The following ZFHX3 variants were observed in gnomAD, a reference collection of about 807,000 sequenced individuals.
ZFHX3 encodes zinc finger homeobox protein 3.
ZFHX3 carries 42 observed loss-of-function variants against 279.1 expected under a neutral mutation model. The ratio of observed to expected loss-of-function variants is 0.15; its 90% CI spans 0.12 to 0.19. ZFHX3 has a LOEUF of 0.19. Ranked by LOEUF, ZFHX3 falls within the 10% of genes least tolerant of loss-of-function variation. The pLI is 1.00. For missense variants in ZFHX3, 4,981 were observed against 4,754.0 expected (o/e 1.05, Z -1.40); for synonymous variants, 2,293 against 1,957.8 (o/e 1.17, Z -4.52).
rs537452217 is a variant in ZFHX3, at chr16:72,832,132, G to A, written c.3449-2273C>T. On this transcript the variant is annotated intron_variant, in intron 4 of 9. Transcript: ENST00000268489. ...CTGAAGGTGCTGCTCAGCAGACATG[G>A]GAAGGGATTTACCCACTGGGGGGCC... Among the ~76,000 whole-genome samples, 12 of 152,240 alleles carry A rather than the reference G, an allele frequency of 7.9e-5. No individual in the cohort carries two copies. The South Asian group carries it at 1.7e-3, about 21-fold the overall frequency.
intron 2 of ZFHX3, among the ~76,000 whole-genome samples, chr16:73,518,581 A>G (rs1238512427): frequency 6.6e-6 from 1 of 152,202 alleles, no homozygotes; most frequent in Non-Finnish European, 1.5e-5. Flanking sequence ...CTCTGCCCCG[A>G]GCAAGACATA....
intron 1 of ZFHX3, among the ~76,000 whole-genome samples, chr16:73,822,992 T>G (rs1434549345): frequency 1.3e-5 from 2 of 152,232 alleles, no homozygotes; most frequent in Non-Finnish European, 2.9e-5. Context: ...CGTCATGCAC[T>G]GGGCTATATG....
At chr16:73,419,908 AT>A (rs201045234) in intron 3 of ZFHX3, among the ~76,000 whole-genome samples, 12,478 of 145,692 alleles carry the variant, frequency 0.086, 1,043 homozygotes, top group East Asian at 0.32. Flanking sequence ...TAGATAGATA[AT>A]TTTTTTTTTT....
intron 1 of ZFHX3, among the ~76,000 whole-genome samples, chr16:73,709,364 G>C (rs946926030): frequency 6.6e-6 from 1 of 151,258 alleles, no homozygotes; most frequent in African/African-American, 2.4e-5. Flanking sequence ...GAGAGAGAGA[G>C]AGAGAGAGAG....
chr16:72,982,133 T>C (rs1350223429), intron 1 of ZFHX3, among the ~76,000 whole-genome samples: 1 of 152,162 alleles, frequency 6.6e-6, no homozygotes, highest in Non-Finnish European at 1.5e-5. Flanking sequence ...TCTGCCCGCC[T>C]TGGCCTCCCA....
chr16:73,054,292 A>C (rs1965503915), intron 1 of ZFHX3, among the ~76,000 whole-genome samples: 1 of 152,188 alleles, frequency 6.6e-6, no homozygotes, highest in South Asian at 2.1e-4. Flanking sequence ...ACAGAAGCTG[A>C]AAGTGGGCTC....
chr16:73,058,696 T>TGGCGGCGGCGGCGGCGGCGGC (rs552488803), exon 1 of ZFHX3: 2 of 168,138 alleles, frequency 1.2e-5, no homozygotes, highest in East Asian at 1.4e-4. Flanking sequence ...GACGCGCTGC[T>TGGCGGCGGCGGCGGCGGCGGC]GGCGGCGGCG....
chr16:73,204,453 G>A (rs940554087), intron 5 of ZFHX3, among the ~76,000 whole-genome samples: 10 of 152,128 alleles, frequency 6.6e-5, no homozygotes, highest in Non-Finnish European at 8.8e-5. Flanking sequence ...TAGATCCCTC[G>A]CAAGTGCAGT....
intron 3 of ZFHX3, among the ~76,000 whole-genome samples, chr16:72,902,836 G>A (rs1597362874): frequency 6.6e-6 from 1 of 152,160 alleles, no homozygotes; most frequent in East Asian, 1.9e-4. Flanking sequence ...CAGAGAGATG[G>A]AGGACAAGGC....
At chr16:72,905,677 AC>A (rs374916749) in intron 3 of ZFHX3, among the ~76,000 whole-genome samples, 5 of 152,348 alleles carry the variant, frequency 3.3e-5, no homozygotes, top group African/African-American at 1.2e-4. Context: ...AGAATGTGGT[AC>A]ATATTTTAGT....
chr16:73,696,021 T>A (rs1201853843), intron 1 of ZFHX3, among the ~76,000 whole-genome samples: 1 of 151,826 alleles, frequency 6.6e-6, no homozygotes, highest in East Asian at 1.9e-4. Flanking sequence ...CAAAAGAGAG[T>A]AAGAGGGAAA....
chr16:73,147,258 G>A (rs1440694335), intron 5 of ZFHX3, among the ~76,000 whole-genome samples: 2 of 152,080 alleles, frequency 1.3e-5, no homozygotes, highest in Non-Finnish European at 2.9e-5. Flanking sequence ...GGTACAACGG[G>A]GATGAATTTG....
chr16:73,335,949 A>T (rs2015904100), intron 3 of ZFHX3, among the ~76,000 whole-genome samples: 1 of 152,212 alleles, frequency 6.6e-6, no homozygotes, highest in African/African-American at 2.4e-5. Context: ...ATTTCTACAA[A>T]CAGCACATCA....
intron 8 of ZFHX3, among the ~76,000 whole-genome samples, chr16:73,074,827 G>C (rs1597148432): frequency 6.6e-6 from 1 of 151,848 alleles, no homozygotes; most frequent in East Asian, 1.9e-4. Flanking sequence ...TTGAGACAGG[G>C]TCAGGTTCTG....
rs763654418 is a variant in ZFHX3, at chr16:72,798,752, A to G, written c.3968-38T>C. 2.7e-5 allele frequency: 41 copies of G among 1,511,028 alleles called. 1 individual carries two copies. In the East Asian group the frequency reaches 6.3e-4, roughly 23 times the overall value. The allele number at this position is 1,511,028 out of a possible 1,614,324, so 93.6% of individuals were successfully genotyped here. On this transcript the variant is annotated intron_variant, in intron 8 of 9. Coordinates refer to ENST00000268489, the MANE Select transcript of ZFHX3 (RefSeq NM_006885.4). ...AAAAAAAAATCAAACCCAAAGATAA[A>G]GAAGGCTTTGTTTCAAGGATGGCAC...
intron 1 of ZFHX3, among the ~76,000 whole-genome samples, chr16:73,810,919 T>A (rs537566481): frequency 8.7e-4 from 132 of 152,110 alleles, no homozygotes; most frequent in African/African-American, 1.8e-3. Flanking sequence ...TAAATAAAAA[T>A]TTACTATATT....
intron 1 of ZFHX3, among the ~76,000 whole-genome samples, chr16:72,994,197 G>T (rs749066348): frequency 6.6e-6 from 1 of 152,200 alleles, no homozygotes; most frequent in Non-Finnish European, 1.5e-5. Context: ...GAAAATACAA[G>T]TGAATTTTGC....
intron 1 of ZFHX3, among the ~76,000 whole-genome samples, chr16:73,705,116 TA>T: frequency 6.6e-6 from 1 of 152,212 alleles, no homozygotes; most frequent in Non-Finnish European, 1.5e-5. Flanking sequence ...TACAGAATAG[TA>T]AAATGTAGTA....
chr16:72,787,180 T>G lies in ZFHX3; in HGVS notation c.11096A>C (p.Asp3699Ala). 1 of 1,573,578 alleles carries G rather than the reference T, an allele frequency of 6.4e-7. No homozygotes were observed. Among genetic ancestry groups the G allele is most frequent in the Non-Finnish European group, 8.7e-7 (1 of 1,154,888 alleles). The stretch of plus-strand genomic sequence containing the variant: ...CTTCAAAGCTTACAATCTGAAGGTG[T>G]CCGTTCCTACACTGGTCAGACCACT... ...KDSGLTSVGT[D>A]TFRL is the part of the protein sequence containing the mutation. The change falls in exon 10 of 10, where the codon GAC (aspartate) becomes GCC (alanine). Residue 3699 changes from aspartate (D) to alanine (A), a missense_variant. By Grantham distance (126) the Asp-to-Ala change is moderately radical (BLOSUM62 -2). Around this residue, in one of 7 missense-constraint regions of ZFHX3, gnomAD observed 1,034 missense variants for 786.0 expected, o/e 1.32. Transcript: ENST00000268489.
Sources: allele counts gnomAD v4.1 joint callset (sites outside exome capture counted in the v4.1 genomes callset), GRCh38; gene constraint gnomAD v4.1.1; regional missense constraint gnomAD v4.1.1; transcripts MANE v1.5; gene names NCBI Gene and HGNC (gene_info 2026-07-23, HGNC 2026-07-21).